The following CSMD1 variants were observed in gnomAD, a reference collection of about 807,000 sequenced individuals.
CSMD1 encodes CUB and sushi domain-containing protein 1.
In CSMD1, 213 loss-of-function variants were observed where a neutral mutation model predicts 417.5. The observed-to-expected ratio is 0.51, with a 90% CI of 0.46 to 0.57. The LOEUF (loss-of-function observed/expected upper bound fraction) is 0.57. Ranked by LOEUF, CSMD1 falls within the 20% of genes least tolerant of loss-of-function variation. The pLI, the probability that CSMD1 is intolerant of heterozygous loss-of-function variation, is 0.00. For synonymous variants in CSMD1, 2,862 were observed against 1,736.8 expected (o/e 1.65, Z -16.11); for missense variants, 6,923 against 4,529.7 (o/e 1.53, Z -15.17).
intron 7 of CSMD1, among the ~76,000 whole-genome samples, chr8:3,689,607 C>G (rs550659469): frequency 6.6e-6 from 1 of 152,136 alleles, no homozygotes; most frequent in Non-Finnish European, 1.5e-5. Context: ...GTCCACTGAA[C>G]AGAAATATTT....
In CSMD1 at chr8:3,206,416, T is replaced by C. The variant is rs113522803; in HGVS notation, c.4868-796A>G. Reference sequence around the variant, plus strand: ...GTGTGTGTGGGGGGTTATGTCTGTGTGTGTATGTGTGTGTGTGGGTGTATG... The same window carrying C: ...GTGTGTGTGGGGGGTTATGTCTGTGCGTGTATGTGTGTGTGTGGGTGTATG... On this transcript the variant is annotated intron_variant, in intron 30 of 69. Transcript: ENST00000635120. Among the ~76,000 whole-genome samples the C allele has an allele frequency of 4.3e-4, 45 of 103,564 alleles. 1 individual carries two copies. The highest frequency in any genetic ancestry group is 1.2e-3 in the East Asian group (4 of 3,384). 67.9% of individuals were successfully genotyped at this position (103,564 alleles called of 152,430 possible).
At chr8:3,281,276 A>G (rs1197500996) in intron 26 of CSMD1, among the ~76,000 whole-genome samples, 3 of 152,020 alleles carry the variant, frequency 2.0e-5, no homozygotes, top group Non-Finnish European at 4.4e-5. Context: ...AACCCTGTCT[A>G]GGCTAAAAAT....
chr8:3,818,075 C>A (rs113161589), intron 5 of CSMD1, among the ~76,000 whole-genome samples: 3 of 152,120 alleles, frequency 2.0e-5, no homozygotes, highest in African/African-American at 7.2e-5. Flanking sequence ...GCATGGAGGT[C>A]CGGGCTCAGC....
intron 5 of CSMD1, among the ~76,000 whole-genome samples, chr8:3,755,096 T>C (rs891881209): frequency 2.6e-5 from 4 of 152,362 alleles, no homozygotes; most frequent in East Asian, 3.9e-4. Flanking sequence ...GAAAACCTTA[T>C]GTGCTTACTA....
intron 2 of CSMD1, among the ~76,000 whole-genome samples, chr8:4,435,662 T>C (rs1288754159): frequency 1.3e-5 from 2 of 152,202 alleles, no homozygotes; most frequent in African/African-American, 4.8e-5. Flanking sequence ...GGGGATTTCC[T>C]GTGAGGTCAC....
chr8:4,887,422 G>C (rs1033702804), intron 1 of CSMD1, among the ~76,000 whole-genome samples: 11 of 152,018 alleles, frequency 7.2e-5, no homozygotes, highest in Non-Finnish European at 8.8e-5. Context: ...CTGCAAATGA[G>C]AACCGAGGTA....
intron 3 of CSMD1, among the ~76,000 whole-genome samples, chr8:4,408,547 G>T (rs1796468463): frequency 6.6e-6 from 1 of 152,116 alleles, no homozygotes; most frequent in Admixed American, 6.6e-5. Context: ...TTCCTATTTA[G>T]ATTTATATTA....
In CSMD1 at chr8:4,560,617, C is replaced by T. The variant is rs187848161; in HGVS notation, c.302+76725G>A. 4.6e-5 allele frequency among the ~76,000 whole-genome samples: 7 copies of T among 152,332 alleles called. No homozygotes were observed. The East Asian group carries it at 7.7e-4, about 17-fold the overall frequency. On this transcript the variant is annotated intron_variant, in intron 2 of 69. Coordinates refer to ENST00000635120, the MANE Select transcript of CSMD1 (RefSeq NM_033225.6). ...GAGCCTCCCTGAAAGCCTTCTCCCA[C>T]GGTTTAGTCCTCATGTGACAGTCCT... is the stretch of plus-strand genomic sequence containing the variant.
chr8:4,049,360 T>A, intron 3 of CSMD1, among the ~76,000 whole-genome samples: 1 of 151,420 alleles, frequency 6.6e-6, no homozygotes, highest in East Asian at 1.9e-4. Flanking sequence ...GCTCCTAGAG[T>A]TCTAACAATC....
At chr8:3,529,130 A>G (rs1348607603) in intron 10 of CSMD1, among the ~76,000 whole-genome samples, 4 of 152,220 alleles carry the variant, frequency 2.6e-5, no homozygotes, top group African/African-American at 7.2e-5. Context: ...ATTTCATTAA[A>G]ATATCCAATT....
chr8:3,550,181 G>A (rs886803286), intron 10 of CSMD1, among the ~76,000 whole-genome samples: 14 of 152,232 alleles, frequency 9.2e-5, no homozygotes, highest in African/African-American at 1.7e-4. Context: ...TTTTGATCCC[G>A]ATTCTCCCAT....
chr8:3,565,221 G>A (rs1799654368), intron 10 of CSMD1, among the ~76,000 whole-genome samples: 1 of 136,776 alleles, frequency 7.3e-6, no homozygotes, highest in African/African-American at 2.7e-5. Flanking sequence ...TAGAGAGATA[G>A]ACAGATAGAT....
intron 1 of CSMD1, among the ~76,000 whole-genome samples, chr8:4,905,609 T>C (rs11778652): frequency 1.3e-5 from 2 of 151,748 alleles, no homozygotes; most frequent in East Asian, 3.9e-4. Flanking sequence ...CACGAGGTCA[T>C]GAGATCGAGG....
chr8:4,037,337 A>T (rs1315728404), intron 3 of CSMD1, among the ~76,000 whole-genome samples: 1 of 152,178 alleles, frequency 6.6e-6, no homozygotes. Flanking sequence ...AGAACCTACC[A>T]AGCACTTGAA....
chr8:4,858,230 A>T (rs1056381348), intron 1 of CSMD1, among the ~76,000 whole-genome samples: 1 of 149,562 alleles, frequency 6.7e-6, no homozygotes, highest in African/African-American at 2.5e-5. Flanking sequence ...CATGCTAAAA[A>T]CTCTCAATAA....
chr8:4,886,313 G>C (rs1043065743), intron 1 of CSMD1, among the ~76,000 whole-genome samples: 2 of 151,900 alleles, frequency 1.3e-5, no homozygotes, highest in Admixed American at 6.6e-5. Context: ...TGAATATCTA[G>C]TTGTTCCAGC....
intron 3 of CSMD1, among the ~76,000 whole-genome samples, chr8:4,189,138 T>A (rs1563245888): frequency 1.3e-5 from 2 of 152,242 alleles, no homozygotes; most frequent in Admixed American, 6.5e-5. Context: ...TAAACCAAGT[T>A]TGTGAGTCAT....
At chr8:4,039,510 G>A (rs764152578) in intron 3 of CSMD1, among the ~76,000 whole-genome samples, 3 of 152,138 alleles carry the variant, frequency 2.0e-5, no homozygotes, top group Non-Finnish European at 4.4e-5. Flanking sequence ...TGTAAAAGGA[G>A]AAGGTGCTGA....
In CSMD1 at chr8:3,052,516, C is replaced by A; in HGVS notation, c.7606G>T (p.Val2536Leu). 1.9e-6 allele frequency: 3 copies of A among 1,600,874 alleles called. No individual in the cohort carries two copies. Among genetic ancestry groups the A allele is most frequent in the Non-Finnish European group, 8.5e-7 (1 of 1,173,368 alleles). The change falls in exon 50 of 70, where the codon GTG becomes TTG. Residue 2536 changes from valine (V) to leucine (L), a missense_variant. Transcript: ENST00000635120. ...KLESSQQATAVCQEDGLWSNK... is the reference protein window; with the variant it reads ...KLESSQQATALCQEDGLWSNK... ...CTCCACAACCCATCTTCTTGACACA[C>A]GGCTGTTGCTTGCTGGCTGGATTCA...
Sources: gnomAD v4.1 joint callset for allele counts (sites outside exome capture counted in the v4.1 genomes callset) on GRCh38, gnomAD v4.1.1 for gene constraint, MANE v1.5 for transcripts, NCBI Gene and HGNC (gene_info 2026-07-23, HGNC 2026-07-21) for gene names.